Variants in SCN10A observed in about 807,000 individuals in gnomAD.
SCN10A encodes the protein sodium voltage-gated channel alpha subunit 10.
In SCN10A, 162 loss-of-function variants were observed where a neutral mutation model predicts 170.7. That is an observed-to-expected ratio of 0.95 (90% confidence interval 0.84 to 1.08). SCN10A has a LOEUF of 1.08. Ranked by LOEUF, SCN10A falls within the 50% of genes least tolerant of loss-of-function variation. The probability of loss-of-function intolerance (pLI) is 0.00; values close to 1 mark genes in which losing one functional copy is unlikely to be tolerated. For missense variants in SCN10A, 2,527 were observed against 2,436.9 expected (o/e 1.04, Z -0.78); for synonymous variants, 985 against 904.6 (o/e 1.09, Z -1.59).
chr3:38,775,859 T>A (rs2064066620), intron 4 of SCN10A, among the ~76,000 whole-genome samples: 1 of 152,124 alleles, frequency 6.6e-6, no homozygotes, highest in African/African-American at 2.4e-5. Context: ...TGGAAACTGG[T>A]TTTGTATCTT....
chr3:38,733,806 C>T (rs1353295198), intron 15 of SCN10A, among the ~76,000 whole-genome samples: 5 of 149,430 alleles, frequency 3.3e-5, no homozygotes, highest in South Asian at 2.1e-4. Context: ...CCGCAACCTC[C>T]GCCTCCCGGG....
intron 5 of SCN10A, among the ~76,000 whole-genome samples, chr3:38,770,435 G>A (rs1278424741): frequency 1.6e-4 from 25 of 152,130 alleles, no homozygotes; most frequent in Admixed American, 1.4e-3. Flanking sequence ...TGTGGCCACT[G>A]TGGTGGATGG....
At chr3:38,737,901 T>C (rs2063588102) in intron 15 of SCN10A, among the ~76,000 whole-genome samples, 1 of 150,472 alleles carries the variant, frequency 6.6e-6, no homozygotes, top group African/African-American at 2.5e-5. Flanking sequence ...CTTTCATCTG[T>C]CTTTCTCTCG....
At chr3:38,809,716 A>G (rs933514882) in intron 1 of SCN10A, among the ~76,000 whole-genome samples, 2 of 152,186 alleles carry the variant, frequency 1.3e-5, no homozygotes, top group African/African-American at 4.8e-5. Context: ...CTAGGTGTAT[A>G]ATGAGGCCCT....
In SCN10A at chr3:38,793,792, T is replaced by G; in HGVS notation, c.219A>C (p.Glu73Asp). The G allele has an allele frequency of 6.2e-7, 1 of 1,613,834 alleles. No homozygotes were observed. Among genetic ancestry groups the G allele is most frequent in the East Asian group, 2.2e-5 (1 of 44,834 alleles). ...GATCCTCCAGGGGCTCCCCGATCAG[T>G]TCTGCTGGGAGCTCACCATAGAACT... is the stretch of plus-strand genomic sequence containing the variant. ...LPKFYGELPAELIGEPLEDLD... is the reference protein window; with the variant it reads ...LPKFYGELPADLIGEPLEDLD... Residue 73 changes from glutamate (E) to aspartate (D), a missense_variant, in exon 2 of 28, where the codon GAA becomes GAC. Glu to Asp is a conservative substitution (Grantham distance 45). Transcript: ENST00000449082.
At position 38,720,834 on chromosome 3, in the gene SCN10A, G is replaced by A. The variant is rs536971399; in HGVS notation, c.3507+1424C>T. Reference sequence around the variant, plus strand: ...AGAGCACCTGGCCAACAGCACATGTGGTTATTACTTTAATCCAGCAGGACT... The same window carrying A: ...AGAGCACCTGGCCAACAGCACATGTAGTTATTACTTTAATCCAGCAGGACT... On this transcript the variant is annotated intron_variant, in intron 20 of 27. Transcript: ENST00000449082. 2.6e-5 allele frequency among the ~76,000 whole-genome samples: 4 copies of A among 152,328 alleles called. No homozygotes were observed. In the East Asian group the frequency reaches 7.7e-4, roughly 29 times the overall value.
rs1426689086 is a variant in SCN10A, at chr3:38,769,649, A to G, written c.599+1630T>C. Among the ~76,000 whole-genome samples the G allele has an allele frequency of 2.0e-5, 3 of 152,104 alleles. No homozygotes were observed. The East Asian group carries it at 5.8e-4, about 29-fold the overall frequency. Reference sequence around the variant, plus strand: ...TTATTGAACCCTCTTTTGTCATATTACCAGAATTGCTTTTCTGGTTCCTTC... The same window carrying G: ...TTATTGAACCCTCTTTTGTCATATTGCCAGAATTGCTTTTCTGGTTCCTTC... On this transcript the variant is annotated intron_variant, in intron 5 of 27. Coordinates refer to ENST00000449082, the MANE Select transcript of SCN10A (RefSeq NM_006514.4).
chr3:38,710,347 A>G (rs1469261838), intron 24 of SCN10A, among the ~76,000 whole-genome samples: 2 of 152,090 alleles, frequency 1.3e-5, no homozygotes, highest in Admixed American at 6.5e-5. Context: ...ATTTTAGTAG[A>G]GATGGGGTTT....
chr3:38,746,083 A>ACATATATATATATGTGTGTGTATGTGTG (rs2063686062), intron 13 of SCN10A, among the ~76,000 whole-genome samples: 1 of 97,826 alleles, frequency 1.0e-5, no homozygotes, highest in Admixed American at 1.0e-4. Context: ...ATATATATAT[A>ACATATATATATATGTGTGTGTATGTGTG]TATATATATA....
intron 1 of SCN10A, among the ~76,000 whole-genome samples, chr3:38,812,103 G>A (rs1441712817): frequency 3.9e-5 from 6 of 152,214 alleles, no homozygotes; most frequent in African/African-American, 1.4e-4. Context: ...ATCCACCAAG[G>A]CAGCCAGCGC....
chr3:38,728,944 A>G, intron 15 of SCN10A, 43 bp from the exon 16 acceptor site: 1 of 1,546,974 alleles, frequency 6.5e-7, no homozygotes, highest in Non-Finnish European at 8.7e-7. Context: ...AGCTGTGCTC[A>G]TTACCTTTCA....
In SCN10A at chr3:38,763,455, A is replaced by G. The variant is rs772250879; in HGVS notation, c.691+50T>C. On this transcript the variant is annotated intron_variant, in intron 6 of 27. Transcript: ENST00000449082. Reference sequence around the variant, plus strand: ...ACAGGGTTCTTGTGAAAATTAGAGAAGGGAGTTAGGCTGTGAAAACCAACA... The same window carrying G: ...ACAGGGTTCTTGTGAAAATTAGAGAGGGGAGTTAGGCTGTGAAAACCAACA... 2.2e-6 allele frequency: 3 copies of G among 1,370,086 alleles called. No homozygotes were observed. The South Asian group carries it at 3.5e-5, about 16-fold the overall frequency. The allele number at this position is 1,370,086 out of a possible 1,614,324, so 84.9% of individuals were successfully genotyped here. A position where few individuals can be genotyped will look rare whatever the true frequency, so the allele number is the denominator to read the frequency against.
intron 4 of SCN10A, among the ~76,000 whole-genome samples, chr3:38,779,968 C>A (rs2064120038): frequency 2.6e-5 from 4 of 151,804 alleles, no homozygotes; most frequent in Non-Finnish European, 5.9e-5. Flanking sequence ...AAAGGAGGTG[C>A]ATTTTCTATT....
chr3:38,716,914 T>C (rs894280285), intron 21 of SCN10A, among the ~76,000 whole-genome samples: 2 of 151,694 alleles, frequency 1.3e-5, no homozygotes, highest in African/African-American at 4.8e-5. Context: ...AAGGGATGAA[T>C]GAACAGATAA....
At chr3:38,786,983 CT>C (rs1180238712) in intron 4 of SCN10A, among the ~76,000 whole-genome samples, 2 of 152,094 alleles carry the variant, frequency 1.3e-5, no homozygotes, top group Non-Finnish European at 1.5e-5. Context: ...TCAAAAGTTT[CT>C]TGGCTATAAT....
intron 18 of SCN10A, among the ~76,000 whole-genome samples, chr3:38,723,951 T>C (rs2063425138): frequency 6.6e-6 from 1 of 152,310 alleles, no homozygotes; most frequent in East Asian, 1.9e-4. Context: ...TGGACCCAAA[T>C]GGTGGGGCGG....
intron 5 of SCN10A, among the ~76,000 whole-genome samples, 189 bp downstream of exon 5, chr3:38,771,090 T>A (rs942296032): frequency 2.6e-5 from 4 of 152,202 alleles, no homozygotes; most frequent in Non-Finnish European, 5.9e-5. Context: ...AGTGTGCCAC[T>A]TATTTAAAAG....
At chr3:38,789,605 G>A (rs765451793) in intron 3 of SCN10A, among the ~76,000 whole-genome samples, 19 of 152,062 alleles carry the variant, frequency 1.2e-4, no homozygotes, top group Admixed American at 3.9e-4. Flanking sequence ...CAGTTCCACC[G>A]AGGAAATGGT....
chr3:38,719,268 C>T (rs2063363511), intron 20 of SCN10A, among the ~76,000 whole-genome samples: 1 of 147,308 alleles, frequency 6.8e-6, no homozygotes, highest in Admixed American at 6.9e-5. Context: ...CAAGGAAATT[C>T]AAATTAAAAG....
Sources: allele counts gnomAD v4.1 joint callset (sites outside exome capture counted in the v4.1 genomes callset), GRCh38; gene constraint gnomAD v4.1.1; transcripts MANE v1.5; gene names NCBI Gene and HGNC (gene_info 2026-07-23, HGNC 2026-07-21).